ARHGAP5: variants seen among roughly 807,000 people sequenced by gnomAD.
The protein encoded by ARHGAP5 is Rho GTPase activating protein 5.
ARHGAP5 carries 23 observed loss-of-function variants against 116.6 expected under a neutral mutation model. That is an observed-to-expected ratio of 0.20 (90% confidence interval 0.14 to 0.28). The LOEUF (loss-of-function observed/expected upper bound fraction) is 0.28, where lower values mean the gene tolerates loss of function less well. Ranked by LOEUF, ARHGAP5 falls within the 10% of genes least tolerant of loss-of-function variation. The probability of loss-of-function intolerance (pLI) is 1.00; values close to 1 mark genes in which losing one functional copy is unlikely to be tolerated. For synonymous variants in ARHGAP5, 574 were observed against 602.0 expected, an observed-to-expected ratio of 0.95 and a Z score of 0.68; for missense variants, 1,405 against 1,774.8, an observed-to-expected ratio of 0.79 and a Z score of 3.74.
At position 32,151,971 on chromosome 14, in the gene ARHGAP5, C is replaced by A. The variant is rs1881655916; in HGVS notation, c.4076-452C>A. Among the ~76,000 whole-genome samples the A allele has an allele frequency of 2.0e-5, 3 of 152,126 alleles. No individual in the cohort carries two copies. The South Asian group carries it at 6.2e-4, about 32-fold the overall frequency. On this transcript the variant is annotated intron_variant, in intron 5 of 6. Transcript: ENST00000345122. ...AGCAGGTTCTTTTGAACAGGGCTCT[C>A]CAACCCCTAGGCCACACAGCCTGGC... is the stretch of plus-strand genomic sequence containing the variant.
At position 32,112,434 on chromosome 14, in the gene ARHGAP5, T is replaced by G. The variant is rs544223206; in HGVS notation, c.3718-4706T>G. 1.9e-3 allele frequency among the ~76,000 whole-genome samples: 290 copies of G among 152,322 alleles called. 2 individuals carry two copies. The highest frequency in any genetic ancestry group is 6.7e-3 in the African/African-American group (280 of 41,572). On this transcript the variant is annotated intron_variant, in intron 2 of 6. Transcript: ENST00000345122. ...GAGAGTTTTTAATATGTTGGACACT[T>G]AAAGAGATGTAATTGCTGAATGGAA...
In ARHGAP5 at chr14:32,115,267, A is replaced by G. The variant is rs548492756; in HGVS notation, c.3718-1873A>G. On this transcript the variant is annotated intron_variant, in intron 2 of 6. Coordinates refer to ENST00000345122, the MANE Select transcript of ARHGAP5 (RefSeq NM_001030055.2). ...TTTGGCTAAGAATCATTTTCCCTCT[A>G]ATGCTACATTGAAGTTAAACTGTGA... 5.9e-5 allele frequency among the ~76,000 whole-genome samples: 9 copies of G among 152,294 alleles called. 1 individual carries two copies. The highest frequency in any genetic ancestry group is 2.2e-4 in the African/African-American group (9 of 41,550).
intron 3 of ARHGAP5, among the ~76,000 whole-genome samples, chr14:32,136,518 A>G (rs959836447): frequency 6.6e-6 from 1 of 152,132 alleles, no homozygotes; most frequent in African/African-American, 2.4e-5. Context: ...ATTGACAAGT[A>G]TTTGGATTGT....
At chr14:32,095,523 C>T (rs944511359) in intron 2 of ARHGAP5, among the ~76,000 whole-genome samples, 2 of 151,708 alleles carry the variant, frequency 1.3e-5, no homozygotes, top group Admixed American at 6.6e-5. Context: ...AGCGATTCTC[C>T]TGCCTCAGCC....
rs1878248076 is a variant in ARHGAP5 at position 32,091,566 on chromosome 14, T to C, written c.897T>C (p.Asn299=). 1.2e-6 allele frequency: 2 copies of C among 1,611,876 alleles called. No individual in the cohort carries two copies. Among genetic ancestry groups the C allele is most frequent in the Non-Finnish European group, 1.7e-6 (2 of 1,179,240 alleles). Reference sequence around the variant, plus strand: ...AAACTGTTAGTAATAAATTAAAAAATCATCCTGATTATGAAGAATACATCA... The same window carrying C: ...AAACTGTTAGTAATAAATTAAAAAACCATCCTGATTATGAAGAATACATCA... ...TWKTVSNKLK[N]HPDYEEYINL... Residue 299 remains asparagine (N), a synonymous_variant, in exon 2 of 7, where the codon AAT becomes AAC. Coordinates refer to ENST00000345122, the MANE Select transcript of ARHGAP5 (RefSeq NM_001030055.2).
At position 32,157,231 on chromosome 14, in the gene ARHGAP5, AATTG is replaced by A. The variant is rs1374739155; in HGVS notation, c.*2288_*2291del. ...GTTTAAAGCTCAGTCTGTTACACTGAATTGATTGTGTTTGTTTTTGCCAAGGGTT... is the reference window on the plus strand; with the variant it reads ...GTTTAAAGCTCAGTCTGTTACACTGAATTGTGTTTGTTTTTGCCAAGGGTT... On this transcript the variant is annotated 3_prime_UTR_variant, in exon 7 of 7. Transcript: ENST00000345122. The A allele has an allele frequency of 6.6e-6, 1 of 151,102 alleles. No homozygotes were observed. The highest frequency in any genetic ancestry group is 1.5e-5 in the Non-Finnish European group (1 of 67,132). The allele number at this position is 151,102 out of a possible 1,614,324, so 9.4% of individuals were successfully genotyped here. A position where few individuals can be genotyped will look rare whatever the true frequency, so the allele number is the denominator to read the frequency against.
At position 32,086,873 on chromosome 14, in the gene ARHGAP5, G is replaced by A. The variant is rs560217295; in HGVS notation, c.-168-3629G>A. Among the ~76,000 whole-genome samples, 3 of 150,662 alleles carry A rather than the reference G, an allele frequency of 2.0e-5. No homozygotes were observed. The East Asian group carries it at 5.8e-4, about 29-fold the overall frequency. Reference sequence around the variant, plus strand: ...AGACAATCTTAAAGGCAGAATGAGAGACTGCATTGCAAGCTATTAAAAGCA... The same window carrying A: ...AGACAATCTTAAAGGCAGAATGAGAAACTGCATTGCAAGCTATTAAAAGCA... On this transcript the variant is annotated intron_variant, in intron 1 of 6. Coordinates refer to ENST00000345122, the MANE Select transcript of ARHGAP5 (RefSeq NM_001030055.2).
In ARHGAP5 at chr14:32,157,301, T is replaced by A. The variant is rs1881933289; in HGVS notation, c.*2353T>A. ...ATATTAGAAACATCTAAGAACAGAA[T>A]AACATAATTAAACTTTTTTCTGGTA... is the stretch of plus-strand genomic sequence containing the variant. On this transcript the variant is annotated 3_prime_UTR_variant, in exon 7 of 7. Coordinates refer to ENST00000345122, the MANE Select transcript of ARHGAP5 (RefSeq NM_001030055.2). 1 of 152,120 alleles carries A rather than the reference T, an allele frequency of 6.6e-6. No individual in the cohort carries two copies. Among genetic ancestry groups the A allele is most frequent in the African/African-American group, 2.4e-5 (1 of 41,450 alleles). 9.4% of individuals were successfully genotyped at this position (152,120 alleles called of 1,614,324 possible). A position where few individuals can be genotyped will look rare whatever the true frequency, so the allele number is the denominator to read the frequency against.
chr14:32,107,448 C>T (rs577961433), intron 2 of ARHGAP5, among the ~76,000 whole-genome samples: 1 of 152,302 alleles, frequency 6.6e-6, no homozygotes, highest in Admixed American at 6.5e-5. Context: ...TGTGTGAAGG[C>T]TTTCCTCTGG....
Position 32,091,798 on chromosome 14 carries a change from T to C in ARHGAP5, c.1129T>C (p.Cys377Arg), listed in dbSNP as rs771290509. Residue 377 changes from cysteine to arginine, a missense_variant, in exon 2 of 7, where the codon TGT becomes CGT. This residue lies in a region of ARHGAP5 where 944 missense variants were observed against 1,095.3 expected (regional missense o/e 0.86). Coordinates refer to ENST00000345122, the MANE Select transcript of ARHGAP5 (RefSeq NM_001030055.2). ...GGAAAAGAGAGCAGATTTCCAGTTA[T>C]GTTTTGTGGTGCTAGAAAAAACTCC... Reference protein sequence around the residue: ...LMEKRADFQLCFVVLEKTPWD... With the variant: ...LMEKRADFQLRFVVLEKTPWD... The C allele has an allele frequency of 7.4e-6, 12 of 1,613,556 alleles. No individual in the cohort carries two copies. In the South Asian group the frequency reaches 7.7e-5, roughly 10 times the overall value.
At chr14:32,153,597 C>T (rs950822459) in intron 6 of ARHGAP5, among the ~76,000 whole-genome samples, 3 of 149,562 alleles carry the variant, frequency 2.0e-5, no homozygotes, top group East Asian at 4.0e-4. Context: ...CTCAGCCTCC[C>T]GAGTAGCTGG....
intron 3 of ARHGAP5, among the ~76,000 whole-genome samples, chr14:32,142,656 G>C (rs1881180957): frequency 6.6e-6 from 1 of 152,184 alleles, no homozygotes; most frequent in Admixed American, 6.5e-5. Flanking sequence ...AGTTCTTTCA[G>C]AATAAGGTTG....
chr14:32,118,312 C>T (rs1217190389), intron 3 of ARHGAP5, among the ~76,000 whole-genome samples: 1 of 152,102 alleles, frequency 6.6e-6, no homozygotes. Context: ...TCCTGGCCAA[C>T]ATGGTGAAAC....
chr14:32,101,035 A>G (rs1340648554), intron 2 of ARHGAP5, among the ~76,000 whole-genome samples: 1 of 152,226 alleles, frequency 6.6e-6, no homozygotes, highest in Non-Finnish European at 1.5e-5. Flanking sequence ...GTGTATTAGT[A>G]TAAGCTGGTA....
At chr14:32,118,690 C>T (rs1879729428) in intron 3 of ARHGAP5, among the ~76,000 whole-genome samples, 1 of 152,114 alleles carries the variant, frequency 6.6e-6, no homozygotes, top group Non-Finnish European at 1.5e-5. Context: ...TTTCTGTCCA[C>T]CTTTAATGTA....
intron 3 of ARHGAP5, among the ~76,000 whole-genome samples, chr14:32,136,601 T>C (rs1292093506): frequency 1.3e-5 from 2 of 152,222 alleles, no homozygotes; most frequent in Admixed American, 6.5e-5. Flanking sequence ...GTACCTGTTT[T>C]GAATTCTTGA....
intron 2 of ARHGAP5, among the ~76,000 whole-genome samples, chr14:32,116,021 C>T (rs1879557301): frequency 1.3e-5 from 2 of 151,534 alleles, no homozygotes; most frequent in South Asian, 2.1e-4. Flanking sequence ...GGCGCAGTAG[C>T]TCATGCCTGT....
intron 3 of ARHGAP5, among the ~76,000 whole-genome samples, chr14:32,140,615 A>T (rs1881077367): frequency 6.6e-6 from 1 of 152,066 alleles, no homozygotes; most frequent in Admixed American, 6.6e-5. Context: ...AATGTTGTTT[A>T]ATTTTCACAT....
At chr14:32,148,332 T>C (rs968140420) in intron 4 of ARHGAP5, among the ~76,000 whole-genome samples, 3 of 152,184 alleles carry the variant, frequency 2.0e-5, no homozygotes, top group African/African-American at 7.2e-5. Flanking sequence ...AGTTTGACTT[T>C]CTTGTTTTGT....
Sources: allele counts gnomAD v4.1 joint callset (sites outside exome capture counted in the v4.1 genomes callset), GRCh38; gene constraint gnomAD v4.1.1; regional missense constraint gnomAD v4.1.1; transcripts MANE v1.5; gene names NCBI Gene and HGNC (gene_info 2026-07-23, HGNC 2026-07-21).